Variants in NR3C1 observed in about 807,000 individuals in gnomAD.
NR3C1 encodes nuclear receptor subfamily 3 group C member 1.
A neutral mutation model predicts 74.0 loss-of-function variants in NR3C1; 14 were observed. The ratio of observed to expected loss-of-function variants is 0.19; its 90% CI spans 0.12 to 0.30. The LOEUF is 0.30. NR3C1 is among the 10% of genes least tolerant of loss of function. NR3C1 has a pLI of 1.00. For missense variants in NR3C1, 695 were observed against 909.8 expected (o/e 0.76, Z 3.04); for synonymous variants, 308 against 332.5 (o/e 0.93, Z 0.80).
chr5:143,347,329 C>CACACACAG lies in NR3C1; in HGVS notation c.1185-33169_1185-33162dup, dbSNP rs572607367. 6.3e-3 allele frequency among the ~76,000 whole-genome samples: 964 copies of CACACACAG among 152,184 alleles called. 11 individuals are homozygous for CACACACAG. Among genetic ancestry groups the CACACACAG allele is most frequent in the African/African-American group, 0.021 (881 of 41,524 alleles). ...TGGCATTTCCTCCTTCTATGTGAAA[C>CACACACAG]ACACACAGACACACACACACACGAA... On this transcript the variant is annotated intron_variant, in intron 2 of 8. Coordinates refer to ENST00000394464, the MANE Select transcript of NR3C1 (RefSeq NM_000176.3).
At chr5:143,381,766 A>G (rs188958958) in intron 2 of NR3C1, among the ~76,000 whole-genome samples, 1 of 152,290 alleles carries the variant, frequency 6.6e-6, no homozygotes, top group Admixed American at 6.5e-5. Flanking sequence ...CTCACCACAT[A>G]TAAAAATCAA....
At chr5:143,417,078 C>G (rs986085154) in intron 1 of NR3C1, among the ~76,000 whole-genome samples, 1 of 152,078 alleles carries the variant, frequency 6.6e-6, no homozygotes, top group Non-Finnish European at 1.5e-5. Flanking sequence ...TATTACTCTA[C>G]TTTCCATATT....
chr5:143,321,520 C>T (rs952558245), intron 2 of NR3C1, among the ~76,000 whole-genome samples: 6 of 152,222 alleles, frequency 3.9e-5, no homozygotes, highest in African/African-American at 1.4e-4. Flanking sequence ...ACTGGCTTCT[C>T]TTTCCATTCT....
chr5:143,391,286 A>C (rs1432558230), intron 2 of NR3C1, among the ~76,000 whole-genome samples: 2 of 152,178 alleles, frequency 1.3e-5, no homozygotes, highest in African/African-American at 2.4e-5. Context: ...GTTTAACTGA[A>C]GTTTTTTTCA....
At chr5:143,409,637 A>G (rs1253817686) in intron 1 of NR3C1, among the ~76,000 whole-genome samples, 1 of 152,216 alleles carries the variant, frequency 6.6e-6, no homozygotes, top group Non-Finnish European at 1.5e-5. Context: ...ATAAGGTAAG[A>G]GGTTCAAGGG....
chr5:143,328,774 A>C (rs903586601), intron 2 of NR3C1, among the ~76,000 whole-genome samples: 5 of 152,222 alleles, frequency 3.3e-5, no homozygotes, highest in Non-Finnish European at 5.9e-5. Context: ...TCTTTTTGCT[A>C]AAGCATAGCA....
Position 143,295,489 on chromosome 5 carries a change from C to A in NR3C1, c.1994G>T (p.Cys665Phe). The change falls in exon 7 of 9, where the codon TGT becomes TTT. Residue 665 changes from cysteine to phenylalanine, a missense_variant. Cys to Phe is a radical substitution (Grantham distance 205). Transcript: ENST00000394464. ...AGAGAGAAGCAGTAAGGTTTTCATA[C>A]AGAGATACTCTTCATAAGATACCTG... ...RLQVSYEEYL[C>F]MKTLLLLSSV... 6.2e-7 allele frequency: 1 copy of A among 1,613,056 alleles called. No individual in the cohort carries two copies. The highest frequency in any genetic ancestry group is 1.3e-5 in the African/African-American group (1 of 74,962).
At chr5:143,393,130 C>T (rs1446016453) in intron 2 of NR3C1, among the ~76,000 whole-genome samples, 2 of 152,118 alleles carry the variant, frequency 1.3e-5, no homozygotes, top group African/African-American at 2.4e-5. Context: ...CCCCACCTCT[C>T]GGGTGCTAAC....
intron 2 of NR3C1, among the ~76,000 whole-genome samples, chr5:143,382,876 C>A (rs1346097071): frequency 6.6e-6 from 1 of 152,216 alleles, no homozygotes; most frequent in Non-Finnish European, 1.5e-5. Context: ...ATCCCTATAT[C>A]TAATCCTTTC....
chr5:143,332,536 A>G (rs376394087), intron 2 of NR3C1: 1 of 693,118 alleles, frequency 1.4e-6, no homozygotes, highest in Admixed American at 2.9e-5. Flanking sequence ...CATCCTGCAC[A>G]TGTACCCTGG....
At chr5:143,324,071 T>C (rs1292306249) in intron 2 of NR3C1, among the ~76,000 whole-genome samples, 1 of 152,132 alleles carries the variant, frequency 6.6e-6, no homozygotes, top group Non-Finnish European at 1.5e-5. Flanking sequence ...TCCAGGTACA[T>C]GGTGCAAGTT....
chr5:143,428,877 C>T (rs1314152001), intron 1 of NR3C1, among the ~76,000 whole-genome samples: 1 of 152,216 alleles, frequency 6.6e-6, no homozygotes, highest in Non-Finnish European at 1.5e-5. Flanking sequence ...CCAAAGGTCC[C>T]TGGGGCACAC....
At chr5:143,346,335 A>G (rs1459625212) in intron 2 of NR3C1, among the ~76,000 whole-genome samples, 1 of 152,214 alleles carries the variant, frequency 6.6e-6, no homozygotes, top group Non-Finnish European at 1.5e-5. Flanking sequence ...AATCTGTTCT[A>G]GCCTAGGTCC....
intron 2 of NR3C1, among the ~76,000 whole-genome samples, chr5:143,331,725 A>C (rs1188037060): frequency 6.6e-6 from 1 of 152,184 alleles, no homozygotes; most frequent in East Asian, 1.9e-4. Context: ...ATAACTAGGA[A>C]CTAAACATTG....
chr5:143,317,032 T>C (rs776053856), intron 2 of NR3C1, among the ~76,000 whole-genome samples: 26 of 152,150 alleles, frequency 1.7e-4, no homozygotes, highest in Non-Finnish European at 3.2e-4. Context: ...AGGCAGTCGT[T>C]CTGGGCTACA....
At chr5:143,406,083 C>A (rs1363949737), upstream of NR3C1, among the ~76,000 whole-genome samples, 1 of 151,560 alleles carries the variant, frequency 6.6e-6, no homozygotes, top group Non-Finnish European at 1.5e-5. Flanking sequence ...ATTAAGAATT[C>A]TATTTATATA....
chr5:143,433,452 T>G (rs1751947227), intron 1 of NR3C1, among the ~76,000 whole-genome samples: 1 of 119,694 alleles, frequency 8.4e-6, no homozygotes, highest in Non-Finnish European at 1.7e-5. Context: ...TTTATTTAAA[T>G]TATATATATA....
intron 2 of NR3C1, among the ~76,000 whole-genome samples, chr5:143,326,584 T>G (rs1010204887): frequency 5.9e-5 from 9 of 152,216 alleles, no homozygotes; most frequent in Non-Finnish European, 1.3e-4. Flanking sequence ...ATACCACGAT[T>G]TTTGCCCTTA....
intron 2 of NR3C1, among the ~76,000 whole-genome samples, chr5:143,343,125 G>GA (rs1828560884): frequency 6.6e-6 from 1 of 152,204 alleles, no homozygotes; most frequent in Non-Finnish European, 1.5e-5. Context: ...CTAGGGAATG[G>GA]AAAGTGACAA....
Sources: gnomAD v4.1 joint callset for allele counts (sites outside exome capture counted in the v4.1 genomes callset) on GRCh38, gnomAD v4.1.1 for gene constraint, MANE v1.5 for transcripts, NCBI Gene and HGNC (gene_info 2026-07-23, HGNC 2026-07-21) for gene names.